Variants in CHIT1 observed in about 807,000 individuals in gnomAD.
CHIT1 encodes chitotriosidase-1.
CHIT1 carries 47 observed loss-of-function variants against 52.0 expected under a neutral mutation model. That is an observed-to-expected ratio of 0.90 (90% CI 0.71 to 1.15). The LOEUF (loss-of-function observed/expected upper bound fraction) is 1.15, where lower values mean the gene tolerates loss of function less well. Ranked by LOEUF, CHIT1 falls within the 50% of genes most tolerant of loss-of-function variation. The pLI is 0.00. For missense variants in CHIT1, 569 were observed against 583.0 expected (o/e 0.98, Z 0.25); for synonymous variants, 242 against 228.2 (o/e 1.06, Z -0.54).
At position 203,225,769 on chromosome 1, in the gene CHIT1, G is replaced by T; in HGVS notation, c.157C>A (p.His53Asn). 5 of 1,614,108 alleles carry T rather than the reference G, an allele frequency of 3.1e-6. No individual in the cohort carries two copies. The highest frequency in any genetic ancestry group is 4.2e-6 in the Non-Finnish European group (5 of 1,179,998). Residue 53 changes from histidine to asparagine, a missense_variant, in exon 3 of 11, where the codon CAC becomes AAC. Transcript: ENST00000367229. ...PKDLDPSLCTHLIYAFAGMTN... is the reference protein window; with the variant it reads ...PKDLDPSLCTNLIYAFAGMTN... ...ATGCCAGCGAAGGCGTAGATGAGGT[G>T]GGTGCAAAGGCTGGGGTCCAAGTCC...
Position 203,219,810 on chromosome 1 carries a change from C to A in CHIT1, c.769G>T (p.Ala257Ser), listed in dbSNP as rs372798323. ...GGCATGCCAAGGATCAGCTTGCTGG[C>A]AGGGGTCCCCTTCTGCAGCCACTGT... ...VQQWLQKGTP[A>S]SKLILGMPTY... is the part of the protein sequence containing the mutation. Residue 257 changes from alanine (A) to serine (S), a missense_variant, in exon 8 of 11, where the codon GCC (alanine) becomes TCC (serine). Ala to Ser is a moderately conservative substitution (Grantham distance 99). Transcript: ENST00000367229. 200 of 1,612,438 alleles carry A rather than the reference C, an allele frequency of 1.2e-4. No individual in the cohort carries two copies. Among genetic ancestry groups the A allele is most frequent in the Non-Finnish European group, 1.6e-4 (192 of 1,179,884 alleles).
intron 1 of CHIT1, among the ~76,000 whole-genome samples, 172 bp from the exon 2 acceptor site, chr1:203,228,734 C>T (rs192204942): frequency 2.0e-5 from 3 of 152,138 alleles, no homozygotes; most frequent in Admixed American, 2.0e-4. Context: ...TTCATGCAGA[C>T]CAGACCACGG....
upstream of CHIT1, chr1:203,229,842 G>A: frequency 1.5e-6 from 1 of 659,664 alleles, no homozygotes; most frequent in Non-Finnish European, 2.8e-6. Context: ...AGCAATTCTT[G>A]CTTTTCTGGA....
intron 6 of CHIT1, 140 bp downstream of exon 6, chr1:203,222,995 T>A: frequency 8.6e-7 from 1 of 1,160,296 alleles, no homozygotes; most frequent in Non-Finnish European, 1.3e-6. Flanking sequence ...GGGAATTTTC[T>A]GCTTTTGTTC....
At position 203,219,494 on chromosome 1, in the gene CHIT1, C is replaced by T. The variant is rs575659099; in HGVS notation, c.916-165G>A. On this transcript the variant is annotated intron_variant, in intron 8 of 10. Transcript: ENST00000367229. ...CTAGAATTCTGGACTCAGCTTGAGG[C>T]ACCTGGGCTTAAGGATAAATTCAAG... 5.1e-4 allele frequency: 475 copies of T among 940,444 alleles called. 6 individuals carry two copies. The South Asian group carries it at 6.3e-3, about 12-fold the overall frequency. 58.3% of individuals were successfully genotyped at this position (940,444 alleles called of 1,614,324 possible).
At chr1:203,218,739 A>G (rs1226012060) in intron 9 of CHIT1, among the ~76,000 whole-genome samples, 2 of 152,052 alleles carry the variant, frequency 1.3e-5, no homozygotes, top group Non-Finnish European at 2.9e-5. Context: ...ATGATAGTTG[A>G]TGTGGGATGT....
chr1:203,223,269 T>G lies in CHIT1; in HGVS notation c.481-10A>C. The G allele has an allele frequency of 1.9e-6, 3 of 1,614,004 alleles. No individual in the cohort carries two copies. Among genetic ancestry groups the G allele is most frequent in the Non-Finnish European group, 2.5e-6 (3 of 1,180,018 alleles). ...AGGCATTGGCCAAGTCCTGTGGGAG[T>G]GGAGCTCAGAGTCAACACAGGGGCG... On this transcript the variant is annotated splice_polypyrimidine_tract_variant and intron_variant, in intron 5 of 10. Transcript: ENST00000367229.
intron 8 of CHIT1, 87 bp from the exon 9 acceptor site, chr1:203,219,416 G>A (rs1656651743): frequency 1.1e-6 from 1 of 944,378 alleles, no homozygotes. Flanking sequence ...ACTAGAGATT[G>A]GAAAATTCCT....
In CHIT1 at chr1:203,217,025, C is replaced by T. The variant is rs144422918; in HGVS notation, c.1265G>A (p.Gly422Asp). ...PSPGQDTFCQ[G>D]KADGLYPNPR... ...ATTGGGATAGAGCCCATCAGCTTTG[C>T]CCTGGCAGAACGTGTCTTGTCCAGG... Residue 422 changes from glycine to aspartate, a missense_variant, in exon 11 of 11, where the codon GGC becomes GAC. Transcript: ENST00000367229. The T allele has an allele frequency of 1.7e-4, 281 of 1,614,032 alleles. No individual in the cohort carries two copies. Among genetic ancestry groups the T allele is most frequent in the Non-Finnish European group, 2.3e-4 (271 of 1,180,056 alleles).
chr1:203,225,564 G>A (rs1310291549), intron 3 of CHIT1, 105 bp downstream of exon 3: 1 of 1,150,128 alleles, frequency 8.7e-7, no homozygotes, highest in Admixed American at 1.8e-5. Flanking sequence ...GCCACACAGT[G>A]GGTCTGTGGC....
intron 2 of CHIT1, among the ~76,000 whole-genome samples, chr1:203,227,778 C>T (rs1656978137): frequency 6.6e-6 from 1 of 152,220 alleles, no homozygotes; most frequent in African/African-American, 2.4e-5. Flanking sequence ...TTTGAGAAAT[C>T]TTCCACCTCT....
rs772141496 is a variant in CHIT1, at chr1:203,216,366, A to C, written c.*523T>G. The C allele has an allele frequency of 2.2e-6, 1 of 454,000 alleles. No homozygotes were observed. The highest frequency in any genetic ancestry group is 4.4e-6 in the Non-Finnish European group (1 of 226,818). 28.1% of individuals were successfully genotyped at this position (454,000 alleles called of 1,614,324 possible). A position where few individuals can be genotyped will look rare whatever the true frequency, so the allele number is the denominator to read the frequency against. On this transcript the variant is annotated 3_prime_UTR_variant, in exon 11 of 11. Coordinates refer to ENST00000367229, the MANE Select transcript of CHIT1 (RefSeq NM_003465.3). ...TCGCAGAGCGCTTAAATCAGGGAAAAGTTCTTCTCTGCTGCCATCTAGTGG... is the reference window on the plus strand; with the variant it reads ...TCGCAGAGCGCTTAAATCAGGGAAACGTTCTTCTCTGCTGCCATCTAGTGG...
Position 203,225,739 on chromosome 1 carries a change from T to C in CHIT1, c.187A>G (p.Asn63Asp), listed in dbSNP as rs774699517. The C allele has an allele frequency of 6.2e-7, 1 of 1,614,174 alleles. No individual in the cohort carries two copies. Among genetic ancestry groups the C allele is most frequent in the African/African-American group, 1.3e-5 (1 of 75,050 alleles). The stretch of plus-strand genomic sequence containing the variant: ...CACTCAGTGGTGCTCAGCTGGTGGT[T>C]GGTCATGCCAGCGAAGGCGTAGATG... ...HLIYAFAGMT[N>D]HQLSTTEWND... The change falls in exon 3 of 11, where the codon AAC becomes GAC. Residue 63 changes from asparagine to aspartate, a missense_variant. Transcript: ENST00000367229.
In CHIT1 at chr1:203,216,900, T is replaced by C. The variant is rs772606932; in HGVS notation, c.1390A>G (p.Thr464Ala). The C allele has an allele frequency of 3.7e-6, 6 of 1,614,086 alleles. No individual in the cohort carries two copies. The highest frequency in any genetic ancestry group is 5.1e-6 in the Non-Finnish European group (6 of 1,180,020). The change falls in exon 11 of 11, where the codon ACC (threonine) becomes GCC (alanine). Residue 464 changes from threonine (T) to alanine (A), a missense_variant. Thr to Ala is a moderately conservative substitution (Grantham distance 58). Transcript: ENST00000367229. ...LVFSNSCKCC[T>A]WN ...GGGGCTTTAGCGACTCAATTCCAGG[T>C]GCAGCATTTGCAGGAGTTGCTGAAC...
intron 2 of CHIT1, among the ~76,000 whole-genome samples, chr1:203,226,763 C>G (rs1656944832): frequency 1.3e-5 from 2 of 150,008 alleles, no homozygotes; most frequent in South Asian, 4.3e-4. Flanking sequence ...GTGATGACCC[C>G]CACTGAGGTC....
rs777281913 is a variant in CHIT1, at chr1:203,225,669, ATCT to A, written c.254_256del (p.Lys85del). The A allele has an allele frequency of 1.1e-5, 18 of 1,612,212 alleles. No homozygotes were observed. In the African/African-American group the frequency reaches 1.2e-4, roughly 11 times the overall value. On this transcript the variant is annotated inframe_deletion and splice_region_variant, in exon 3 of 11. Transcript: ENST00000367229. ...ACCCTGCTCCTCTGCTTTGGCTCACATCTTCTTCAGGCCATTGAACTCCTGGTA... is the reference window on the plus strand; with the variant it reads ...ACCCTGCTCCTCTGCTTTGGCTCACATCTTCAGGCCATTGAACTCCTGGTA...
At chr1:203,219,996 A>G in intron 7 of CHIT1, 147 bp from the exon 8 acceptor site, 1 of 995,768 alleles carries the variant, frequency 1.0e-6, no homozygotes. Context: ...GCCCTACCCC[A>G]TCTTCTTTAG....
chr1:203,219,316 T>C lies in CHIT1; in HGVS notation c.929A>G (p.Lys310Arg). The C allele has an allele frequency of 6.2e-7, 1 of 1,605,564 alleles. No individual in the cohort carries two copies. Among genetic ancestry groups the C allele is most frequent in the Non-Finnish European group, 8.5e-7 (1 of 1,172,224 alleles). The change falls in exon 9 of 11, where the codon AAG (lysine) becomes AGG (arginine). Residue 310 changes from lysine to arginine, a missense_variant. By Grantham distance (26) the Lys-to-Arg change is conservative. Coordinates refer to ENST00000367229, the MANE Select transcript of CHIT1 (RefSeq NM_003465.3). ...CTGGATTCTCTGTTTGGTGGCCCCC[T>C]TCCAGGAGCAGACCTGTGGGAGCAG... Reference protein sequence around the residue: ...MLAYYEVCSWKGATKQRIQDQ... With the variant: ...MLAYYEVCSWRGATKQRIQDQ...
At chr1:203,226,940 G>A (rs1656950057) in intron 2 of CHIT1, among the ~76,000 whole-genome samples, 1 of 152,244 alleles carries the variant, frequency 6.6e-6, no homozygotes, top group Non-Finnish European at 1.5e-5. Flanking sequence ...CTATGATGGT[G>A]TGGTTTGTAT....
Sources: gnomAD v4.1 joint callset for allele counts (sites outside exome capture counted in the v4.1 genomes callset) on GRCh38, gnomAD v4.1.1 for gene constraint, MANE v1.5 for transcripts, NCBI Gene and HGNC (gene_info 2026-07-23, HGNC 2026-07-21) for gene names.